ESRP1: variants seen among roughly 807,000 people sequenced by gnomAD.
ESRP1 encodes epithelial splicing regulatory protein 1.
Under a neutral mutation model 81.7 loss-of-function variants are expected in ESRP1, and 33 were observed. The observed-to-expected ratio is 0.40, with a 90% CI of 0.31 to 0.54. The LOEUF is 0.54. ESRP1 is among the 20% of genes least tolerant of loss of function. ESRP1 has a pLI of 0.41. For missense variants in ESRP1, 672 were observed against 833.1 expected, an observed-to-expected ratio of 0.81 and a Z score of 2.38; for synonymous variants, 320 against 303.3, an observed-to-expected ratio of 1.06 and a Z score of -0.57.
chr8:94,695,209 G>A (rs1809550110), intron 14 of ESRP1, among the ~76,000 whole-genome samples: 1 of 151,870 alleles, frequency 6.6e-6, no homozygotes, highest in Non-Finnish European at 1.5e-5. Context: ...TACCTAGAGT[G>A]CATGTATTGG....
At chr8:94,643,106 A>G (rs1375173824) in intron 2 of ESRP1, among the ~76,000 whole-genome samples, 197 bp from the exon 3 acceptor site, 1 of 152,188 alleles carries the variant, frequency 6.6e-6, no homozygotes, top group African/African-American at 2.4e-5. Flanking sequence ...CGAACTGCGG[A>G]TTGATTGGAA....
At chr8:94,688,806 T>C (rs1809252032) in intron 13 of ESRP1, among the ~76,000 whole-genome samples, 2 of 152,214 alleles carry the variant, frequency 1.3e-5, no homozygotes, top group South Asian at 4.1e-4. Flanking sequence ...AAAGTCATCC[T>C]ACTTTTTCTT....
chr8:94,663,155 T>C (rs1166483381), intron 6 of ESRP1, among the ~76,000 whole-genome samples: 1 of 152,228 alleles, frequency 6.6e-6, no homozygotes, highest in Non-Finnish European at 1.5e-5. Context: ...ATCTTTCATT[T>C]AGAAAATTTC....
intron 8 of ESRP1, 40 bp downstream of exon 8, chr8:94,665,099 A>C (rs1563528625): frequency 6.2e-7 from 1 of 1,613,874 alleles, no homozygotes; most frequent in Non-Finnish European, 8.5e-7. Context: ...ATCGTGAATG[A>C]GAATTAACAT....
At chr8:94,660,058 G>A (rs1175458970) in intron 4 of ESRP1, among the ~76,000 whole-genome samples, 1 of 152,222 alleles carries the variant, frequency 6.6e-6, no homozygotes, top group Non-Finnish European at 1.5e-5. Flanking sequence ...AGTGCTTATG[G>A]AGAAGTTGCA....
intron 9 of ESRP1, among the ~76,000 whole-genome samples, chr8:94,666,660 G>A (rs1482332251): frequency 6.6e-6 from 1 of 152,098 alleles, no homozygotes; most frequent in Non-Finnish European, 1.5e-5. Context: ...CAATCTGCTG[G>A]TATATTTTTG....
At chr8:94,697,075 A>AT (rs1474997194) in intron 15 of ESRP1, 114 bp downstream of exon 15, 2 of 676,554 alleles carry the variant, frequency 3.0e-6, no homozygotes, top group Non-Finnish European at 2.4e-6. Flanking sequence ...GTAATGTAAA[A>AT]TATCAGATAT....
At chr8:94,688,640 C>G (rs1271251822) in intron 13 of ESRP1, 1 of 191,598 alleles carries the variant, frequency 5.2e-6, no homozygotes, top group East Asian at 1.7e-4. Flanking sequence ...AAATAAAATG[C>G]CTCAACAGAC....
intron 14 of ESRP1, among the ~76,000 whole-genome samples, chr8:94,694,554 A>G (rs1226015149): frequency 1.3e-5 from 2 of 152,214 alleles, no homozygotes; most frequent in East Asian, 3.8e-4. Context: ...CAGTGAGCCA[A>G]GATCACTGCA....
chr8:94,705,622 G>A (rs932189545), intron 15 of ESRP1: 5 of 263,022 alleles, frequency 1.9e-5, no homozygotes, highest in Non-Finnish European at 7.1e-6. Context: ...AAGGAGCTGA[G>A]CTGAGCAGGG....
intron 4 of ESRP1, among the ~76,000 whole-genome samples, chr8:94,656,457 G>A (rs1481718813): frequency 6.6e-6 from 1 of 152,128 alleles, no homozygotes; most frequent in East Asian, 1.9e-4. Context: ...TCCTGACCTT[G>A]TGATCCGCCC....
rs1563548848 is a variant in ESRP1 at position 94,695,363 on chromosome 8, T to TG, written c.1972-1489_1972-1488insG. On this transcript the variant is annotated intron_variant, in intron 14 of 15. Transcript: ENST00000433389. ...CTTTTTCTTTCTTTTTTTTTTTTTT[T>TG]TTTTTTTTTGAGACGGAGTCTCACT... Among the ~76,000 whole-genome samples, 5 of 80,690 alleles carry TG rather than the reference T, an allele frequency of 6.2e-5. No homozygotes were observed. The East Asian group carries it at 1.4e-3, about 23-fold the overall frequency. 52.9% of individuals were successfully genotyped at this position (80,690 alleles called of 152,430 possible).
intron 15 of ESRP1, among the ~76,000 whole-genome samples, chr8:94,699,859 A>G (rs1246196434): frequency 6.6e-6 from 1 of 151,532 alleles, no homozygotes; most frequent in African/African-American, 2.4e-5. Flanking sequence ...CCCTCATGCA[A>G]TTTTGAACCT....
intron 9 of ESRP1, among the ~76,000 whole-genome samples, chr8:94,667,183 A>C (rs1819066803): frequency 1.3e-5 from 2 of 151,136 alleles, no homozygotes; most frequent in South Asian, 4.2e-4. Context: ...GTGCCACTGC[A>C]CTCCAGCCTA....
chr8:94,662,293 G>A lies in ESRP1; in HGVS notation c.512G>A (p.Ser171Asn). The A allele has an allele frequency of 6.3e-7, 1 of 1,576,588 alleles. No individual in the cohort carries two copies. Among genetic ancestry groups the A allele is most frequent in the Non-Finnish European group, 8.6e-7 (1 of 1,159,320 alleles). Residue 171 changes from serine (S) to asparagine (N), a missense_variant, in exon 5 of 16, where the codon AGT (serine) becomes AAT (asparagine). Transcript: ENST00000433389. Reference sequence around the variant, plus strand: ...ACAGATTTAAATTTTGAGAAGAGTAGTTCAGTCTCTCGATATGGAGCCTCT... The same window carrying A: ...ACAGATTTAAATTTTGAGAAGAGTAATTCAGTCTCTCGATATGGAGCCTCT... ...MTEYLNFEKSSSVSRYGASQV... is the reference protein window; with the variant it reads ...MTEYLNFEKSNSVSRYGASQV...
chr8:94,699,323 T>C (rs187887999), intron 15 of ESRP1, among the ~76,000 whole-genome samples: 229 of 152,284 alleles, frequency 1.5e-3, no homozygotes, highest in Non-Finnish European at 2.6e-3. Context: ...CAGGTTAATG[T>C]GCCTCTCTAT....
intron 3 of ESRP1, among the ~76,000 whole-genome samples, chr8:94,645,170 A>G (rs1196485146): frequency 1.3e-5 from 2 of 152,198 alleles, no homozygotes; most frequent in Non-Finnish European, 2.9e-5. Flanking sequence ...AGCTGTGACC[A>G]TGATGCAGCA....
intron 2 of ESRP1, 92 bp from the exon 3 acceptor site, chr8:94,643,211 C>T (rs1302367588): frequency 8.7e-6 from 7 of 806,146 alleles, no homozygotes; most frequent in South Asian, 1.6e-5. Context: ...GCCCTTATTG[C>T]GGTTTTCTCT....
intron 9 of ESRP1, 63 bp downstream of exon 9, chr8:94,665,259 A>G: frequency 1.3e-6 from 2 of 1,513,000 alleles, no homozygotes; most frequent in South Asian, 1.2e-5. Context: ...GCATACTTAA[A>G]TTTAGCAAGA....
Sources: gnomAD v4.1 joint callset for allele counts (sites outside exome capture counted in the v4.1 genomes callset) on GRCh38, gnomAD v4.1.1 for gene constraint, MANE v1.5 for transcripts, NCBI Gene and HGNC (gene_info 2026-07-23, HGNC 2026-07-21) for gene names.